The following PRKDC variants were observed in gnomAD, a reference collection of about 807,000 sequenced individuals.
PRKDC encodes protein kinase, DNA-activated, catalytic subunit.
PRKDC carries 82 observed loss-of-function variants against 486.9 expected under a neutral mutation model. The observed-to-expected ratio is 0.17, with a 90% CI of 0.14 to 0.20. PRKDC has a LOEUF of 0.20. Among genes scored for constraint, PRKDC ranks in the 10% least tolerant of loss-of-function variants. The probability of loss-of-function intolerance (pLI) is 1.00; values close to 1 mark genes in which losing one functional copy is unlikely to be tolerated. For synonymous variants in PRKDC, 1,895 were observed against 1,837.0 expected (o/e 1.03, Z -0.81); for missense variants, 4,504 against 5,038.2 (o/e 0.89, Z 3.21).
At chr8:47,945,464 ACTACT>A (rs1450236222) in intron 7 of PRKDC, among the ~76,000 whole-genome samples, 2 of 152,048 alleles carry the variant, frequency 1.3e-5, no homozygotes, top group Admixed American at 6.6e-5. Flanking sequence ...TGTGAATCTG[ACTACT>A]CTAAGTACCT....
intron 59 of PRKDC, among the ~76,000 whole-genome samples, chr8:47,833,703 G>A (rs757574981): frequency 5.3e-5 from 8 of 152,056 alleles, no homozygotes; most frequent in African/African-American, 1.7e-4. Context: ...AGCATGCCCC[G>A]AAGCGTCCCT....
intron 60 of PRKDC, 83 bp from the exon 61 acceptor site, chr8:47,830,819 TC>T: frequency 1.3e-6 from 2 of 1,563,932 alleles, no homozygotes; most frequent in Non-Finnish European, 1.8e-6. Flanking sequence ...GCTGCCAGGA[TC>T]CCCTGAACCA....
intron 30 of PRKDC, among the ~76,000 whole-genome samples, chr8:47,894,437 T>C (rs191457432): frequency 1.3e-5 from 2 of 152,116 alleles, no homozygotes; most frequent in African/African-American, 2.4e-5. Context: ...AGAAAAATGA[T>C]AGAAAGAAAG....
At chr8:47,950,350 G>A (rs1351371459) in intron 7 of PRKDC, among the ~76,000 whole-genome samples, 2 of 151,990 alleles carry the variant, frequency 1.3e-5, no homozygotes, top group African/African-American at 4.8e-5. Context: ...GATCGGCCAG[G>A]CACAGTGGTT....
chr8:47,809,908 G>A (rs2087295031), intron 68 of PRKDC, among the ~76,000 whole-genome samples: 1 of 152,162 alleles, frequency 6.6e-6, no homozygotes, highest in Non-Finnish European at 1.5e-5. Flanking sequence ...CAATGTGACT[G>A]AGATCCTTAA....
At chr8:47,861,776 G>C (rs2088682790) in intron 44 of PRKDC, among the ~76,000 whole-genome samples, 1 of 152,208 alleles carries the variant, frequency 6.6e-6, no homozygotes, top group African/African-American at 2.4e-5. Context: ...TCTTTGACTG[G>C]AGCAATTCAC....
intron 50 of PRKDC, 40 bp from the exon 51 acceptor site, chr8:47,854,254 A>G (rs1328057889): frequency 5.6e-6 from 9 of 1,598,722 alleles, no homozygotes; most frequent in Non-Finnish European, 5.1e-6. Flanking sequence ...AGACTGTTGC[A>G]TAATCAAGTA....
intron 52 of PRKDC, among the ~76,000 whole-genome samples, chr8:47,850,891 C>G (rs752669865): frequency 2.6e-5 from 4 of 152,164 alleles, no homozygotes; most frequent in Non-Finnish European, 5.9e-5. Flanking sequence ...CTCACTCCAA[C>G]CTCTGCCTCC....
At chr8:47,822,096 A>C (rs1209714774) in intron 64 of PRKDC, among the ~76,000 whole-genome samples, 1 of 152,172 alleles carries the variant, frequency 6.6e-6, no homozygotes, top group Admixed American at 6.5e-5. Flanking sequence ...TAGCCTAGGC[A>C]ACATGGCCTA....
intron 16 of PRKDC, among the ~76,000 whole-genome samples, chr8:47,931,080 T>G (rs1426303238): frequency 6.6e-6 from 1 of 152,156 alleles, no homozygotes; most frequent in Admixed American, 6.5e-5. Context: ...TTGACAGAGA[T>G]AGAATTTTAA....
chr8:47,787,825 A>G (rs2086816210), intron 76 of PRKDC, among the ~76,000 whole-genome samples: 1 of 152,134 alleles, frequency 6.6e-6, no homozygotes, highest in Non-Finnish European at 1.5e-5. Flanking sequence ...GCTAATGGGT[A>G]TGGGTTTCTT....
intron 73 of PRKDC, among the ~76,000 whole-genome samples, chr8:47,796,986 C>T (rs1286005428): frequency 6.6e-6 from 1 of 151,990 alleles, no homozygotes; most frequent in Admixed American, 6.6e-5. Flanking sequence ...CTCTTCATTC[C>T]AAGACCATTT....
intron 68 of PRKDC, among the ~76,000 whole-genome samples, chr8:47,810,762 C>T (rs1419464962): frequency 6.6e-6 from 1 of 152,040 alleles, no homozygotes; most frequent in African/African-American, 2.4e-5. Context: ...GGAAAGTTTA[C>T]AACTGGAAAA....
chr8:47,928,191 T>C, intron 19 of PRKDC, among the ~76,000 whole-genome samples: 1 of 150,448 alleles, frequency 6.6e-6, no homozygotes, highest in East Asian at 2.0e-4. Flanking sequence ...AGAGTCGTGC[T>C]GTCAGCCAGG....
At chr8:47,873,406 G>A (rs1304391124) in intron 40 of PRKDC, among the ~76,000 whole-genome samples, 2 of 152,018 alleles carry the variant, frequency 1.3e-5, no homozygotes, top group African/African-American at 2.4e-5. Flanking sequence ...TGGGCAAGGT[G>A]GCACTCATCT....
At chr8:47,811,132 A>G (rs1222705879) in intron 68 of PRKDC, among the ~76,000 whole-genome samples, 2 of 152,228 alleles carry the variant, frequency 1.3e-5, no homozygotes, top group Non-Finnish European at 2.9e-5. Context: ...GACACATCAT[A>G]ATCAAACTGC....
intron 69 of PRKDC, chr8:47,805,168 C>G (rs1386287404): frequency 6.6e-6 from 1 of 152,090 alleles, no homozygotes; most frequent in Non-Finnish European, 1.5e-5. Flanking sequence ...AACCACTGCA[C>G]TTGGACTAGC....
At position 47,918,303 on chromosome 8, in the gene PRKDC, G is replaced by T. The variant is rs2090019982; in HGVS notation, c.2500C>A (p.Leu834Met). 1 of 1,589,580 alleles carries T rather than the reference G, an allele frequency of 6.3e-7. No individual in the cohort carries two copies. The highest frequency in any genetic ancestry group is 1.2e-5 in the South Asian group (1 of 86,908). ...KGFNKVVLKH[L>M]KKTKNLSSNE... is the part of the protein sequence containing the mutation. ...GATGAAAGGTTCTTTGTCTTCTTCA[G>T]ATGCTTTAACACCACTTTATTAAAT... is the stretch of plus-strand genomic sequence containing the variant. The change falls in exon 22 of 86, where the codon CTG becomes ATG. Residue 834 changes from leucine to methionine, a missense_variant. Leu to Met is a conservative substitution (Grantham distance 15). Coordinates refer to ENST00000314191, the MANE Select transcript of PRKDC (RefSeq NM_006904.7).
chr8:47,860,356 C>T (rs2154500610), intron 45 of PRKDC, among the ~76,000 whole-genome samples: 1 of 152,276 alleles, frequency 6.6e-6, no homozygotes, highest in African/African-American at 2.4e-5. Flanking sequence ...ACTGCAAGTG[C>T]ACACGACCTA....
Sources: allele counts gnomAD v4.1 joint callset (sites outside exome capture counted in the v4.1 genomes callset), GRCh38; gene constraint gnomAD v4.1.1; transcripts MANE v1.5; gene names NCBI Gene and HGNC (gene_info 2026-07-23, HGNC 2026-07-21).